PXYLP1: variants seen among roughly 807,000 people sequenced by gnomAD.
PXYLP1 encodes 2-phosphoxylose phosphatase 1.
PXYLP1 carries 17 observed loss-of-function variants against 37.9 expected under a neutral mutation model. That is an observed-to-expected ratio of 0.45 (90% CI 0.31 to 0.67). PXYLP1 has a LOEUF of 0.67. Ranked by LOEUF, PXYLP1 falls within the 30% of genes least tolerant of loss-of-function variation. The pLI is 0.07. For missense variants in PXYLP1, 511 were observed against 612.0 expected (o/e 0.84, Z 1.74); for synonymous variants, 221 against 232.2 (o/e 0.95, Z 0.44).
In PXYLP1 at chr3:141,291,749, C is replaced by T. The variant is rs1246918778; in HGVS notation, c.506-519C>T. ...ACCCAGCAGGTTATCAGAGAACATT[C>T]GGTTGGCAGGCTGGGGAGGATGGGG... is the stretch of plus-strand genomic sequence containing the variant. On this transcript the variant is annotated intron_variant, in intron 5 of 5. Coordinates refer to ENST00000286353, the MANE Select transcript of PXYLP1 (RefSeq NM_001037172.3). 7.6e-5 allele frequency: 12 copies of T among 157,650 alleles called. No homozygotes were observed. The South Asian group carries it at 2.3e-3, about 30-fold the overall frequency. 9.8% of individuals were successfully genotyped at this position (157,650 alleles called of 1,614,324 possible). A position where few individuals can be genotyped will look rare whatever the true frequency, so the allele number is the denominator to read the frequency against.
intron 2 of PXYLP1, among the ~76,000 whole-genome samples, chr3:141,264,792 C>T (rs1941468150): frequency 6.6e-6 from 1 of 152,138 alleles, no homozygotes; most frequent in Non-Finnish European, 1.5e-5. Flanking sequence ...CCTTGGTTTC[C>T]CCATCTGTAA....
At chr3:141,268,804 C>G (rs1426017094) in intron 2 of PXYLP1, among the ~76,000 whole-genome samples, 1 of 152,244 alleles carries the variant, frequency 6.6e-6, no homozygotes, top group East Asian at 1.9e-4. Flanking sequence ...CCCTGTGCCT[C>G]AGAGCCGTAG....
intron 2 of PXYLP1, chr3:141,262,166 A>G (rs1410947565): frequency 5.4e-6 from 3 of 553,196 alleles, no homozygotes; most frequent in African/African-American, 2.0e-5. Flanking sequence ...CAATTGTGAC[A>G]TATTTCCATG....
At chr3:141,244,659 G>C (rs1940893532) in intron 1 of PXYLP1, among the ~76,000 whole-genome samples, 2 of 150,024 alleles carry the variant, frequency 1.3e-5, no homozygotes, top group African/African-American at 4.9e-5. Flanking sequence ...AGGTTTGTCT[G>C]TCCACACCTA....
chr3:141,232,590 TGTG>T (rs1940549357), intron 1 of PXYLP1, among the ~76,000 whole-genome samples: 1 of 152,370 alleles, frequency 6.6e-6, no homozygotes, highest in African/African-American at 2.4e-5. Context: ...GTTAGGACCG[TGTG>T]GTGTAGACCC....
At chr3:141,284,054 GATATA>G (rs1429679971) in intron 4 of PXYLP1, among the ~76,000 whole-genome samples, 3 of 151,970 alleles carry the variant, frequency 2.0e-5, no homozygotes, top group Admixed American at 1.3e-4. Flanking sequence ...TATTTTCATG[GATATA>G]ATTATGTCTG....
chr3:141,249,877 C>T (rs1168747430), intron 1 of PXYLP1, among the ~76,000 whole-genome samples: 2 of 151,972 alleles, frequency 1.3e-5, no homozygotes, highest in African/African-American at 4.8e-5. Context: ...AAGTGAAAAT[C>T]CTGGCTTGAT....
At chr3:141,258,191 G>A (rs948631965) in intron 1 of PXYLP1, among the ~76,000 whole-genome samples, 2 of 152,184 alleles carry the variant, frequency 1.3e-5, no homozygotes, top group Non-Finnish European at 2.9e-5. Context: ...CAGAAACCGG[G>A]GGTGGATGAT....
intron 1 of PXYLP1, among the ~76,000 whole-genome samples, chr3:141,249,557 G>T (rs1481093777): frequency 2.0e-5 from 3 of 146,580 alleles, no homozygotes; most frequent in African/African-American, 5.1e-5. Context: ...CAGTCTTGCA[G>T]CCTGCCTGTT....
rs181683765 is a variant in PXYLP1, at chr3:141,266,152, C to T, written c.79+5898C>T. 6.1e-3 allele frequency among the ~76,000 whole-genome samples: 930 copies of T among 152,336 alleles called. 6 individuals carry two copies. The highest frequency in any genetic ancestry group is 0.022 in the African/African-American group (905 of 41,578). ...GCTCCTTGGAGCAGTGGAAGCTGCTCCAGACCAACAGCCTGTGAACTTGTT... is the reference window on the plus strand; with the variant it reads ...GCTCCTTGGAGCAGTGGAAGCTGCTTCAGACCAACAGCCTGTGAACTTGTT... On this transcript the variant is annotated intron_variant, in intron 2 of 5. Coordinates refer to ENST00000286353, the MANE Select transcript of PXYLP1 (RefSeq NM_001037172.3).
intron 1 of PXYLP1, among the ~76,000 whole-genome samples, chr3:141,242,585 G>A (rs982715668): frequency 2.0e-5 from 3 of 152,208 alleles, no homozygotes; most frequent in Non-Finnish European, 4.4e-5. Context: ...GTGCTGGGGG[G>A]TGGGGTACAG....
intron 1 of PXYLP1, among the ~76,000 whole-genome samples, chr3:141,248,023 G>GTTTTTTTTTTTTTT (rs55888415): frequency 2.4e-5 from 3 of 122,894 alleles, no homozygotes; most frequent in Non-Finnish European, 3.3e-5. Context: ...TTTTTGTTTT[G>GTTTTTTTTTTTTTT]TTTTTTTTTT....
At chr3:141,240,927 T>G (rs1468062129) in intron 1 of PXYLP1, among the ~76,000 whole-genome samples, 1 of 152,138 alleles carries the variant, frequency 6.6e-6, no homozygotes, top group Admixed American at 6.5e-5. Flanking sequence ...TGGGAATGTG[T>G]CCTAGTTGAT....
intron 2 of PXYLP1, chr3:141,274,729 G>A (rs2148802603): frequency 1.4e-6 from 1 of 696,218 alleles, no homozygotes; most frequent in East Asian, 2.7e-5. Flanking sequence ...GACAAACTGG[G>A]ACACCCCTGC....
intron 2 of PXYLP1, among the ~76,000 whole-genome samples, chr3:141,272,429 C>A (rs1170026770): frequency 6.8e-6 from 1 of 147,954 alleles, no homozygotes; most frequent in Non-Finnish European, 1.5e-5. Flanking sequence ...ATGAGCAAAT[C>A]ATCATTAGAT....
intron 2 of PXYLP1, among the ~76,000 whole-genome samples, chr3:141,276,083 A>G (rs1559892258): frequency 1.3e-5 from 2 of 152,352 alleles, no homozygotes; most frequent in South Asian, 2.1e-4. Flanking sequence ...TCAGGTTTGT[A>G]GCCTAGGAGC....
intron 5 of PXYLP1, among the ~76,000 whole-genome samples, chr3:141,289,150 T>C (rs1942142445): frequency 6.6e-6 from 1 of 152,214 alleles, no homozygotes; most frequent in African/African-American, 2.4e-5. Context: ...TAATACCACA[T>C]GTCAGGACAT....
At chr3:141,261,598 T>C (rs1332161605) in intron 2 of PXYLP1, among the ~76,000 whole-genome samples, 1 of 152,140 alleles carries the variant, frequency 6.6e-6, no homozygotes, top group Admixed American at 6.5e-5. Context: ...TAAGTTCTGG[T>C]ATTACAGGCG....
At chr3:141,263,683 T>G (rs1941444980) in intron 2 of PXYLP1, among the ~76,000 whole-genome samples, 1 of 152,240 alleles carries the variant, frequency 6.6e-6, no homozygotes. Flanking sequence ...CTGACCACCA[T>G]TCCCAAAATG....
Sources: gnomAD v4.1 joint callset for allele counts (sites outside exome capture counted in the v4.1 genomes callset) on GRCh38, gnomAD v4.1.1 for gene constraint, MANE v1.5 for transcripts, NCBI Gene and HGNC (gene_info 2026-07-23, HGNC 2026-07-21) for gene names.